INPP5A: variants seen among roughly 807,000 people sequenced by gnomAD.
INPP5A encodes the protein 43 kDa inositol polyphosphate 5-phophatase.
In INPP5A, 14 loss-of-function variants were observed where a neutral mutation model predicts 65.2. The ratio of observed to expected loss-of-function variants is 0.21; its 90% CI spans 0.14 to 0.34. The LOEUF is 0.34. INPP5A is among the 10% of genes least tolerant of loss of function. INPP5A has a pLI of 1.00. For synonymous variants in INPP5A, 207 were observed against 208.3 expected, an observed-to-expected ratio of 0.99 and a Z score of 0.05; for missense variants, 431 against 545.6, an observed-to-expected ratio of 0.79 and a Z score of 2.09.
intron 9 of INPP5A, among the ~76,000 whole-genome samples, chr10:132,742,359 C>A (rs1357118661): frequency 6.6e-6 from 1 of 152,246 alleles, no homozygotes; most frequent in East Asian, 1.9e-4. Flanking sequence ...AGAGGCGACA[C>A]CACGCCTTGT....
intron 1 of INPP5A, among the ~76,000 whole-genome samples, chr10:132,567,598 T>C (rs2133278871): frequency 6.6e-6 from 1 of 152,358 alleles, no homozygotes; most frequent in South Asian, 2.1e-4. Context: ...CTACAGGCTT[T>C]ATTTGGGTTT....
intron 12 of INPP5A, among the ~76,000 whole-genome samples, chr10:132,775,188 G>GATGGGCAGGGAGGAGAGGCAGGGA (rs1847040258): frequency 1.1e-3 from 2 of 1,750 alleles, no homozygotes; most frequent in Non-Finnish European, 2.1e-3. Context: ...CAGGGAGAGA[G>GATGGGCAGGGAGGAGAGGCAGGGA]GGAGGGGCAG....
At position 132,696,827 on chromosome 10, in the gene INPP5A, G is replaced by A. The variant is rs527939461; in HGVS notation, c.371-989G>A. ...AGGTCAGACCACAGCACCCAGGGCC[G>A]GGCCACACCACAGCACCCAGGGCTG... On this transcript the variant is annotated intron_variant, in intron 5 of 15. Transcript: ENST00000368594. Among the ~76,000 whole-genome samples the A allele has an allele frequency of 2.3e-4, 35 of 152,052 alleles. No individual in the cohort carries two copies. In the East Asian group the frequency reaches 6.0e-3, roughly 26 times the overall value.
At chr10:132,714,226 T>A (rs1845699590) in intron 8 of INPP5A, among the ~76,000 whole-genome samples, 1 of 152,172 alleles carries the variant, frequency 6.6e-6, no homozygotes, top group African/African-American at 2.4e-5. Flanking sequence ...TGCATTCCCA[T>A]GAATGGCTCC....
intron 4 of INPP5A, among the ~76,000 whole-genome samples, chr10:132,688,573 A>G (rs1305817332): frequency 6.6e-6 from 1 of 152,220 alleles, no homozygotes; most frequent in African/African-American, 2.4e-5. Context: ...GGTTCTGCCC[A>G]AAACAAAGCA....
Position 132,764,458 on chromosome 10 carries a change from C to A in INPP5A, c.904-1315C>A, listed in dbSNP as rs1436681571. On this transcript the variant is annotated intron_variant, in intron 11 of 15. Coordinates refer to ENST00000368594, the MANE Select transcript of INPP5A (RefSeq NM_005539.5). ...TGCGGTGGGAGGGTGTGCGTGGTGA[C>A]ACTCAGAAACACGGTCGGGTCAGTC... 2.7e-5 allele frequency among the ~76,000 whole-genome samples: 4 copies of A among 147,502 alleles called. No individual in the cohort carries two copies. In the East Asian group the frequency reaches 8.0e-4, roughly 30 times the overall value.
intron 3 of INPP5A, among the ~76,000 whole-genome samples, chr10:132,647,670 C>T (rs1160012778): frequency 2.0e-5 from 3 of 152,130 alleles, no homozygotes; most frequent in Admixed American, 6.5e-5. Flanking sequence ...AGAGCGGAGT[C>T]GAGGCCCCAC....
chr10:132,579,438 G>A (rs181639598), intron 1 of INPP5A, among the ~76,000 whole-genome samples: 7 of 152,140 alleles, frequency 4.6e-5, no homozygotes, highest in Admixed American at 2.6e-4. Context: ...GAGCAGTAGG[G>A]GTGTGGGATT....
intron 1 of INPP5A, among the ~76,000 whole-genome samples, chr10:132,574,567 G>A (rs920862834): frequency 3.3e-5 from 5 of 151,818 alleles, no homozygotes; most frequent in African/African-American, 4.8e-5. Context: ...CACACAGGGA[G>A]GGGTGAACAG....
chr10:132,606,014 A>G (rs1191247413), intron 1 of INPP5A, among the ~76,000 whole-genome samples: 1 of 152,190 alleles, frequency 6.6e-6, no homozygotes, highest in East Asian at 1.9e-4. Flanking sequence ...GTCATGACCC[A>G]TGAATTGGGC....
chr10:132,724,945 C>T (rs566571668), intron 8 of INPP5A, among the ~76,000 whole-genome samples: 5 of 150,794 alleles, frequency 3.3e-5, no homozygotes, highest in East Asian at 4.0e-4. Context: ...CCAGAACTCA[C>T]GGGGAGACCC....
Position 132,659,720 on chromosome 10 carries a change from A to G in INPP5A, c.306+9215A>G, listed in dbSNP as rs34448059. Among the ~76,000 whole-genome samples, 28,570 of 152,232 alleles carry G rather than the reference A, an allele frequency of 0.19. 3,164 individuals carry two copies. Among genetic ancestry groups the G allele is most frequent in the Admixed American group, 0.29 (4,439 of 15,300 alleles). On this transcript the variant is annotated intron_variant, in intron 4 of 15. Transcript: ENST00000368594. The surrounding 1 kb of genome is among the most constrained non-coding windows in gnomAD (Gnocchi z 5.5). ...AGAACAACCCACTTGGCAGGCGGCA[A>G]CCTTGCCTGGCACTCACCAGGGCCT...
chr10:132,589,619 G>A (rs1303362666), intron 1 of INPP5A, among the ~76,000 whole-genome samples: 1 of 152,246 alleles, frequency 6.6e-6, no homozygotes, highest in East Asian at 1.9e-4. Context: ...ACAGCTTGTG[G>A]GTCTTGTGTG....
At chr10:132,636,262 C>T (rs921891775) in intron 2 of INPP5A, among the ~76,000 whole-genome samples, 3 of 151,816 alleles carry the variant, frequency 2.0e-5, no homozygotes, top group Non-Finnish European at 4.4e-5. Flanking sequence ...TTTGCAGCAA[C>T]GTGGATAGAA....
intron 3 of INPP5A, among the ~76,000 whole-genome samples, chr10:132,648,267 A>G (rs1337701067): frequency 1.3e-5 from 2 of 152,270 alleles, no homozygotes; most frequent in African/African-American, 4.8e-5. Flanking sequence ...GACGGGAACG[A>G]TGCCGCCGTG....
At position 132,546,472 on chromosome 10, in the gene INPP5A, G is replaced by A. The variant is rs570216396; in HGVS notation, c.75+8301G>A. 1.5e-4 allele frequency among the ~76,000 whole-genome samples: 23 copies of A among 152,164 alleles called. No homozygotes were observed. The highest frequency in any genetic ancestry group is 3.9e-4 in the Admixed American group (6 of 15,294). On this transcript the variant is annotated intron_variant, in intron 1 of 15. Coordinates refer to ENST00000368594, the MANE Select transcript of INPP5A (RefSeq NM_005539.5). The surrounding 1 kb of genome is among the most constrained non-coding windows in gnomAD (Gnocchi z 5.7). ...GGTTGTCTTCTTGATCCTTCTCTCCGACAGGAGTGTGAGACTCCTCTTCAG... is the reference window on the plus strand; with the variant it reads ...GGTTGTCTTCTTGATCCTTCTCTCCAACAGGAGTGTGAGACTCCTCTTCAG...
At chr10:132,609,399 G>A (rs942627325) in intron 2 of INPP5A, among the ~76,000 whole-genome samples, 1 of 152,122 alleles carries the variant, frequency 6.6e-6, no homozygotes, top group Admixed American at 6.5e-5. Context: ...GGCGGGGGCG[G>A]GTTTGCCTTG....
At chr10:132,684,836 GC>G (rs1040516211) in intron 4 of INPP5A, among the ~76,000 whole-genome samples, 2 of 152,330 alleles carry the variant, frequency 1.3e-5, no homozygotes, top group East Asian at 3.9e-4. Flanking sequence ...ATGGTTTCGT[GC>G]CCCTGGGCTC....
chr10:132,596,278 A>G (rs762326801), intron 1 of INPP5A, among the ~76,000 whole-genome samples: 1 of 152,232 alleles, frequency 6.6e-6, no homozygotes, highest in African/African-American at 2.4e-5. Context: ...CAGTTTGGGC[A>G]GGATGAATGG....
Sources: allele counts gnomAD v4.1 joint callset (sites outside exome capture counted in the v4.1 genomes callset), GRCh38; gene constraint gnomAD v4.1.1; non-coding constraint Gnocchi (gnomAD v3.1); transcripts MANE v1.5; gene names NCBI Gene and HGNC (gene_info 2026-07-23, HGNC 2026-07-21).